DENND4A: variants seen among roughly 807,000 people sequenced by gnomAD.
The protein encoded by DENND4A is DENN domain containing 4A.
Under a neutral mutation model 199.3 loss-of-function variants are expected in DENND4A, and 70 were observed. That is an observed-to-expected ratio of 0.35 (90% CI 0.29 to 0.43). The LOEUF is 0.43. Ranked by LOEUF, DENND4A falls within the 20% of genes least tolerant of loss-of-function variation. The probability of loss-of-function intolerance (pLI) is 1.00; values close to 1 mark genes in which losing one functional copy is unlikely to be tolerated. For synonymous variants in DENND4A, 686 were observed against 766.9 expected, an observed-to-expected ratio of 0.89 and a Z score of 1.74; for missense variants, 1,723 against 2,255.8, an observed-to-expected ratio of 0.76 and a Z score of 4.78.
chr15:65,722,764 C>A, intron 12 of DENND4A, 84 bp downstream of exon 12: 1 of 1,079,622 alleles, frequency 9.3e-7, no homozygotes. Flanking sequence ...GCTAGATAAA[C>A]ATTATTCTTT....
In DENND4A at chr15:65,691,085, A is replaced by G. The variant is rs374090689; in HGVS notation, c.3509T>C (p.Leu1170Ser). The G allele has an allele frequency of 2.0e-5, 32 of 1,613,038 alleles. No individual in the cohort carries two copies. Among genetic ancestry groups the G allele is most frequent in the Non-Finnish European group, 2.7e-5 (32 of 1,179,602 alleles). ...DSPVIFDLED[L>S]DSETDVSKAG... ...TTTTGATACATCTGTTTCACTGTCT[A>G]AGTCTTCTAAGTCAAAAATAACAGG... The change falls in exon 23 of 33, where the codon TTA becomes TCA. Residue 1170 changes from leucine to serine, a missense_variant. By Grantham distance (145) the Leu-to-Ser change is moderately radical (BLOSUM62 -2). This residue lies in a region of DENND4A where 650 missense variants were observed against 738.1 expected (regional missense o/e 0.88). Transcript: ENST00000443035.
At chr15:65,740,217 T>C (rs892677390) in intron 5 of DENND4A, among the ~76,000 whole-genome samples, 3 of 149,858 alleles carry the variant, frequency 2.0e-5, no homozygotes, top group African/African-American at 4.9e-5. Context: ...TGAGAATGAC[T>C]CATAATCTTC....
intron 1 of DENND4A, among the ~76,000 whole-genome samples, chr15:65,764,305 C>T (rs573066496): frequency 3.3e-5 from 5 of 152,094 alleles, no homozygotes; most frequent in Non-Finnish European, 5.9e-5. Flanking sequence ...CAAGACCAGC[C>T]TGGGCAACAC....
At chr15:65,745,790 A>G (rs532839880) in intron 4 of DENND4A, among the ~76,000 whole-genome samples, 1 of 152,250 alleles carries the variant, frequency 6.6e-6, no homozygotes, top group African/African-American at 2.4e-5. Context: ...GGAGTTAGAA[A>G]TGCAGTATAA....
chr15:65,764,707 C>T (rs1173540875), intron 1 of DENND4A, among the ~76,000 whole-genome samples: 1 of 151,898 alleles, frequency 6.6e-6, no homozygotes, highest in Non-Finnish European at 1.5e-5. Context: ...GGCACAGTGG[C>T]TCATGCCTGT....
intron 23 of DENND4A, among the ~76,000 whole-genome samples, chr15:65,678,439 AG>A: frequency 6.6e-6 from 1 of 152,272 alleles, no homozygotes; most frequent in Non-Finnish European, 1.5e-5. Flanking sequence ...CCTTCAGTAA[AG>A]TATTATAGTT....
chr15:65,758,141 G>C (rs541076108), intron 2 of DENND4A, among the ~76,000 whole-genome samples: 4 of 152,044 alleles, frequency 2.6e-5, no homozygotes, highest in Non-Finnish European at 5.9e-5. Flanking sequence ...AAGTCTACCA[G>C]AAGTTAAGTC....
chr15:65,776,666 T>C (rs550355935), intron 1 of DENND4A, among the ~76,000 whole-genome samples: 86 of 152,326 alleles, frequency 5.6e-4, no homozygotes, highest in African/African-American at 2.0e-3. Context: ...TCGGCCACAG[T>C]TGATTAGACC....
chr15:65,721,810 A>G (rs1435262597), intron 12 of DENND4A, among the ~76,000 whole-genome samples: 2 of 151,952 alleles, frequency 1.3e-5, no homozygotes, highest in African/African-American at 4.8e-5. Context: ...TACTTTATAT[A>G]ATAAGTATTA....
intron 4 of DENND4A, among the ~76,000 whole-genome samples, chr15:65,745,849 C>T (rs916963502): frequency 1.3e-5 from 2 of 151,738 alleles, no homozygotes; most frequent in Non-Finnish European, 1.5e-5. Context: ...AAATTAAGAG[C>T]GGGGCCAGGC....
intron 13 of DENND4A, among the ~76,000 whole-genome samples, chr15:65,716,009 C>T (rs937419251): frequency 1.3e-5 from 2 of 151,882 alleles, no homozygotes; most frequent in Non-Finnish European, 2.9e-5. Context: ...GCAGCAGTAA[C>T]ATTCCCTCGT....
At chr15:65,791,187 G>C (rs903032822) in intron 1 of DENND4A, among the ~76,000 whole-genome samples, 2 of 152,136 alleles carry the variant, frequency 1.3e-5, no homozygotes, top group African/African-American at 4.8e-5. Context: ...TGCCTGTCCT[G>C]CTGTTGCAAA....
At chr15:65,744,860 G>C (rs1232590029) in intron 4 of DENND4A, among the ~76,000 whole-genome samples, 1 of 152,094 alleles carries the variant, frequency 6.6e-6, no homozygotes. Context: ...TTATATACCT[G>C]TCAAAAGCCA....
At chr15:65,789,275 C>T (rs2077651728) in intron 1 of DENND4A, among the ~76,000 whole-genome samples, 1 of 152,146 alleles carries the variant, frequency 6.6e-6, no homozygotes, top group African/African-American at 2.4e-5. Context: ...CAGTCTCAAA[C>T]TCCTGGGCTC....
In DENND4A at chr15:65,691,104, T is replaced by C. The variant is rs765974945; in HGVS notation, c.3490A>G (p.Ile1164Val). 9 of 1,613,136 alleles carry C rather than the reference T, an allele frequency of 5.6e-6. No homozygotes were observed. The highest frequency in any genetic ancestry group is 1.6e-4 in the Middle Eastern group (1 of 6,080). The change falls in exon 23 of 33, where the codon ATT becomes GTT. Residue 1164 changes from isoleucine to valine, a missense_variant. By Grantham distance (29) the Ile-to-Val change is conservative (BLOSUM62 3). Transcript: ENST00000443035. ...YLADKVDSPV[I>V]FDLEDLDSET... The stretch of plus-strand genomic sequence containing the variant: ...CTGTCTAAGTCTTCTAAGTCAAAAA[T>C]AACAGGAGAATCCACTTTATCTGCC...
intron 11 of DENND4A, among the ~76,000 whole-genome samples, chr15:65,724,492 C>T (rs947001431): frequency 6.6e-6 from 1 of 151,038 alleles, no homozygotes; most frequent in South Asian, 2.1e-4. Flanking sequence ...CACCACAGAA[C>T]AACATAGCAC....
intron 1 of DENND4A, among the ~76,000 whole-genome samples, chr15:65,778,778 C>T (rs1021896536): frequency 6.6e-6 from 1 of 151,616 alleles, no homozygotes; most frequent in African/African-American, 2.4e-5. Context: ...CCTGTAATCC[C>T]AGCTACTCAG....
chr15:65,739,131 T>A (rs1368432554), intron 5 of DENND4A, among the ~76,000 whole-genome samples: 1 of 152,204 alleles, frequency 6.6e-6, no homozygotes, highest in Admixed American at 6.5e-5. Context: ...AAGAAAAAGA[T>A]ATCCTATAGA....
In DENND4A at chr15:65,718,760, C is replaced by CTTTTT. The variant is rs1038227560; in HGVS notation, c.1589-769_1589-765dup. 3.4e-4 allele frequency among the ~76,000 whole-genome samples: 23 copies of CTTTTT among 67,738 alleles called. 1 individual carries two copies. The highest frequency in any genetic ancestry group is 6.1e-4 in the South Asian group (1 of 1,648). The allele number at this position is 67,738 out of a possible 152,430, so 44.4% of individuals were successfully genotyped here. ...TCAAAAGTTTTGCATGTTTTTTTTC[C>CTTTTT]TTTTTTTTTTTTTTTTTTTTTTTTT... is the stretch of plus-strand genomic sequence containing the variant. On this transcript the variant is annotated intron_variant, in intron 12 of 32. Coordinates refer to ENST00000443035, the MANE Select transcript of DENND4A (RefSeq NM_001320835.1).
Sources: allele counts gnomAD v4.1 joint callset (sites outside exome capture counted in the v4.1 genomes callset), GRCh38; gene constraint gnomAD v4.1.1; regional missense constraint gnomAD v4.1.1; transcripts MANE v1.5; gene names NCBI Gene and HGNC (gene_info 2026-07-23, HGNC 2026-07-21).